The following PTPRN2 variants were observed in gnomAD, a reference collection of about 807,000 sequenced individuals.
PTPRN2 encodes the protein protein tyrosine phosphatase receptor type N2.
A neutral mutation model predicts 118.8 loss-of-function variants in PTPRN2; 74 were observed. The observed-to-expected ratio is 0.62, with a 90% confidence interval of 0.52 to 0.76. PTPRN2 has a LOEUF of 0.76. PTPRN2 is among the 30% of genes least tolerant of loss of function. The pLI is 0.00. For synonymous variants in PTPRN2, 641 were observed against 608.0 expected (o/e 1.05, Z -0.80); for missense variants, 1,481 against 1,394.4 (o/e 1.06, Z -0.99).
intron 13 of PTPRN2, among the ~76,000 whole-genome samples, chr7:157,668,442 AGCCTTG>A: frequency 6.6e-6 from 1 of 152,224 alleles, no homozygotes; most frequent in African/African-American, 2.4e-5. Context: ...GCGCACAGAG[AGCCTTG>A]GGTTTTTAGG....
chr7:157,704,370 T>C (rs1798224455), intron 12 of PTPRN2, among the ~76,000 whole-genome samples: 1 of 152,248 alleles, frequency 6.6e-6, no homozygotes, highest in Non-Finnish European at 1.5e-5. Flanking sequence ...TTGGTTTTCA[T>C]GGATGCCAAT....
At chr7:157,548,089 T>C (rs1283456273) in intron 22 of PTPRN2, among the ~76,000 whole-genome samples, 4 of 152,160 alleles carry the variant, frequency 2.6e-5, no homozygotes, top group Non-Finnish European at 1.5e-5. Context: ...ATTTCTGCAT[T>C]TTATTTATAT....
In PTPRN2 at chr7:157,608,923, C is replaced by T. The variant is rs767454677; in HGVS notation, c.2345-4848G>A. ...AAGAACGGGTGTGCTCTATCAAAAC[C>T]GTAGTCTGAGAATTTACTGAGAGGC... On this transcript the variant is annotated intron_variant, in intron 15 of 22. Coordinates refer to ENST00000389418, the MANE Select transcript of PTPRN2 (RefSeq NM_002847.5). Among the ~76,000 whole-genome samples the T allele has an allele frequency of 9.2e-5, 14 of 152,178 alleles. 1 individual carries two copies. Among genetic ancestry groups the T allele is most frequent in the East Asian group, 3.9e-4 (2 of 5,188 alleles).
intron 11 of PTPRN2, among the ~76,000 whole-genome samples, chr7:157,950,836 A>C (rs990261322): frequency 6.6e-6 from 1 of 152,222 alleles, no homozygotes; most frequent in African/African-American, 2.4e-5. Context: ...CAGGAAAGTG[A>C]GGTGCAGACG....
intron 22 of PTPRN2, among the ~76,000 whole-genome samples, chr7:157,547,168 C>T (rs1157197561): frequency 6.6e-6 from 1 of 152,224 alleles, no homozygotes; most frequent in Non-Finnish European, 1.5e-5. Flanking sequence ...GTGGGCCTCA[C>T]TGTGGAGTCA....
intron 11 of PTPRN2, among the ~76,000 whole-genome samples, chr7:158,054,027 C>CT (rs1809579050): frequency 3.1e-5 from 4 of 128,190 alleles, no homozygotes; most frequent in African/African-American, 7.7e-5. Flanking sequence ...GCAGAGACTC[C>CT]AGAGATGCAG....
rs182285151 is a variant in PTPRN2, at chr7:157,609,348, A to C, written c.2345-5273T>G. ...CAGTGAGCTGAGACTGTGCCATTGC[A>C]CTCCAGCCTGGACAACAAGAGTGAA... On this transcript the variant is annotated intron_variant, in intron 15 of 22. Transcript: ENST00000389418. The surrounding 1 kb of genome is among the most constrained non-coding windows in gnomAD (Gnocchi z 4.9). Among the ~76,000 whole-genome samples, 229 of 152,100 alleles carry C rather than the reference A, an allele frequency of 1.5e-3. 3 individuals are homozygous for C. Among genetic ancestry groups the C allele is most frequent in the Middle Eastern group, 3.4e-3 (1 of 292 alleles).
At chr7:157,628,416 T>C (rs1263542) in intron 14 of PTPRN2, among the ~76,000 whole-genome samples, 56,543 of 152,080 alleles carry the variant, frequency 0.37, 11,616 homozygotes, top group East Asian at 0.63. Flanking sequence ...GGAACCACCC[T>C]GTCACTCGCA....
chr7:158,156,112 G>T (rs932913493), intron 6 of PTPRN2, among the ~76,000 whole-genome samples: 2 of 152,150 alleles, frequency 1.3e-5, no homozygotes, highest in African/African-American at 2.4e-5. Flanking sequence ...ATCTCTCCCT[G>T]ACTAATGAAA....
intron 5 of PTPRN2, among the ~76,000 whole-genome samples, chr7:158,172,508 C>T (rs1404434259): frequency 2.0e-5 from 3 of 150,948 alleles, no homozygotes; most frequent in Admixed American, 6.6e-5. Flanking sequence ...CCATCAATAG[C>T]AGCATCCCCA....
At chr7:158,353,326 A>G (rs1808153107) in intron 2 of PTPRN2, among the ~76,000 whole-genome samples, 1 of 152,302 alleles carries the variant, frequency 6.6e-6, no homozygotes, top group African/African-American at 2.4e-5. Context: ...GGCTTTATAA[A>G]ATCCAGGACT....
intron 12 of PTPRN2, among the ~76,000 whole-genome samples, chr7:157,720,793 G>A (rs576908368): frequency 4.6e-5 from 7 of 152,354 alleles, no homozygotes; most frequent in African/African-American, 1.7e-4. Context: ...CATTCCTGTG[G>A]CAAAGCCGAG....
chr7:158,336,888 A>G (rs1478357038), intron 2 of PTPRN2, among the ~76,000 whole-genome samples: 10 of 103,924 alleles, frequency 9.6e-5, no homozygotes, highest in African/African-American at 2.3e-4. Context: ...GGTCACTCAC[A>G]CCCACACTCT....
At chr7:157,563,551 G>A (rs1414649062) in intron 21 of PTPRN2, among the ~76,000 whole-genome samples, 19 of 70,624 alleles carry the variant, frequency 2.7e-4, no homozygotes, top group Admixed American at 6.7e-4. Context: ...GTGCTCCCAC[G>A]TCACCACACA....
rs1465669535 is a variant in PTPRN2 at position 158,544,788 on chromosome 7, G to A, written c.112+42770C>T. 6.6e-6 allele frequency among the ~76,000 whole-genome samples: 1 copy of A among 152,210 alleles called. No individual in the cohort carries two copies. The highest frequency in any genetic ancestry group is 1.5e-5 in the Non-Finnish European group (1 of 68,036). On this transcript the variant is annotated intron_variant, in intron 1 of 22. Transcript: ENST00000389418. This position sits in a 1 kb window ranked among gnomAD's most constrained non-coding sequence, Gnocchi z 4.2. ...AGATTGGGTGCCCCTGCTCTAGAGT[G>A]AACACAGAAGCACTGTCTGGGGCAC...
rs539384251 is a variant in PTPRN2, at chr7:157,560,051, C to A, written c.2902+8851G>T. Among the ~76,000 whole-genome samples, 1 of 152,190 alleles carries A rather than the reference C, an allele frequency of 6.6e-6. No homozygotes were observed. Among genetic ancestry groups the A allele is most frequent in the African/African-American group, 2.4e-5 (1 of 41,458 alleles). On this transcript the variant is annotated intron_variant, in intron 21 of 22. Coordinates refer to ENST00000389418, the MANE Select transcript of PTPRN2 (RefSeq NM_002847.5). The surrounding 1 kb of genome is among the most constrained non-coding windows in gnomAD (Gnocchi z 6.7). ...GGGAGCTTGCAGAAGGGACAGCCCT[C>A]GGCCAGGTGGGACCTGAACGACATT...
intron 2 of PTPRN2, among the ~76,000 whole-genome samples, chr7:158,403,580 C>T (rs115133025): frequency 0.01 from 1,574 of 152,318 alleles, 31 homozygotes; most frequent in African/African-American, 0.035. Context: ...TCTGGTGGCA[C>T]GTCAATCACC....
At position 158,319,474 on chromosome 7, in the gene PTPRN2, AAG is replaced by A. The variant is rs1563131392; in HGVS notation, c.164-2544_164-2543del. ...CACGCACACAGCCTCCCTCACACAC[AAG>A]CACAGCCTCCCTCACACTCACACAG... is the stretch of plus-strand genomic sequence containing the variant. On this transcript the variant is annotated intron_variant, in intron 2 of 22. Transcript: ENST00000389418. 1.5e-4 allele frequency among the ~76,000 whole-genome samples: 8 copies of A among 54,394 alleles called. 1 individual carries two copies. In the East Asian group the frequency reaches 1.7e-3, roughly 12 times the overall value. The allele number at this position is 54,394 out of a possible 152,430, so 35.7% of individuals were successfully genotyped here.
At chr7:158,270,748 T>C (rs1282843833) in intron 3 of PTPRN2, among the ~76,000 whole-genome samples, 4 of 142,816 alleles carry the variant, frequency 2.8e-5, no homozygotes, top group African/African-American at 8.3e-5. Context: ...ACCTGAGCCG[T>C]CTTCTCCACC....
Sources: gnomAD v4.1 joint callset for allele counts (sites outside exome capture counted in the v4.1 genomes callset) on GRCh38, gnomAD v4.1.1 for gene constraint, Gnocchi (gnomAD v3.1) non-coding constraint, MANE v1.5 for transcripts, NCBI Gene and HGNC (gene_info 2026-07-23, HGNC 2026-07-21) for gene names.